COP1: variants seen among roughly 807,000 people sequenced by gnomAD.
The protein encoded by COP1 is E3 ubiquitin-protein ligase COP1.
A neutral mutation model predicts 101.3 loss-of-function variants in COP1; 24 were observed. That is an observed-to-expected ratio of 0.24 (90% CI 0.17 to 0.33). COP1 has a LOEUF of 0.33. Ranked by LOEUF, COP1 falls within the 10% of genes least tolerant of loss-of-function variation. The pLI is 1.00. For synonymous variants in COP1, 347 were observed against 341.9 expected (o/e 1.01, Z -0.17); for missense variants, 663 against 906.2 (o/e 0.73, Z 3.45).
chr1:175,995,704 T>C (rs986520002), intron 15 of COP1, among the ~76,000 whole-genome samples: 15 of 152,236 alleles, frequency 9.9e-5, no homozygotes, highest in African/African-American at 2.6e-4. Context: ...CAGGAAGAAA[T>C]TGAATCTCTG....
intron 1 of COP1, among the ~76,000 whole-genome samples, chr1:176,199,537 C>T (rs1429108354): frequency 6.6e-6 from 1 of 152,002 alleles, no homozygotes; most frequent in Admixed American, 6.6e-5. Context: ...AATCTTTTAA[C>T]TAGCAAATAT....
At chr1:175,998,737 A>G (rs972386485) in intron 15 of COP1, among the ~76,000 whole-genome samples, 6 of 152,058 alleles carry the variant, frequency 3.9e-5, no homozygotes, top group African/African-American at 1.4e-4. Flanking sequence ...TAAAATTTGG[A>G]AGGAACTCAT....
chr1:176,134,473 T>C (rs1689476172), intron 8 of COP1, among the ~76,000 whole-genome samples: 1 of 151,924 alleles, frequency 6.6e-6, no homozygotes, highest in African/African-American at 2.4e-5. Flanking sequence ...TCTTGGGAAA[T>C]GGTCATGACA....
chr1:175,993,655 T>C (rs1319673331), intron 15 of COP1, among the ~76,000 whole-genome samples: 1 of 151,838 alleles, frequency 6.6e-6, no homozygotes, highest in Non-Finnish European at 1.5e-5. Flanking sequence ...TGATGGAAGA[T>C]GAAATGAATG....
chr1:176,092,643 C>T (rs757843713), intron 9 of COP1, among the ~76,000 whole-genome samples: 1 of 152,018 alleles, frequency 6.6e-6, no homozygotes, highest in Non-Finnish European at 1.5e-5. Context: ...AAATTAAAGT[C>T]GCAACTATGC....
At chr1:175,952,942 G>T (rs1378082676) in intron 18 of COP1, among the ~76,000 whole-genome samples, 1 of 152,084 alleles carries the variant, frequency 6.6e-6, no homozygotes, top group Non-Finnish European at 1.5e-5. Flanking sequence ...GATGAATATT[G>T]TGAGAAATGG....
At chr1:176,004,875 T>A (rs934081373) in intron 15 of COP1, among the ~76,000 whole-genome samples, 3 of 151,568 alleles carry the variant, frequency 2.0e-5, no homozygotes, top group African/African-American at 7.3e-5. Context: ...ATAAAATGAG[T>A]TAGGGAGGAT....
intron 9 of COP1, among the ~76,000 whole-genome samples, chr1:176,106,015 GTTTGTTTTGTTTTTTGT>G (rs1340158918): frequency 1.3e-5 from 2 of 151,598 alleles, no homozygotes; most frequent in East Asian, 1.9e-4. Flanking sequence ...TAGTTTACAG[GTTTGTTTTGTTTTTTGT>G]TTTGTTTTGT....
At chr1:176,061,170 C>G (rs992264357) in intron 11 of COP1, among the ~76,000 whole-genome samples, 2 of 152,112 alleles carry the variant, frequency 1.3e-5, no homozygotes, top group East Asian at 3.9e-4. Context: ...ACAGTCAATT[C>G]ATTTTAAACA....
intron 8 of COP1, among the ~76,000 whole-genome samples, chr1:176,126,142 T>C (rs1687947458): frequency 6.6e-6 from 1 of 152,218 alleles, no homozygotes; most frequent in African/African-American, 2.4e-5. Context: ...TTTTTCCAAA[T>C]ATAAGATCAC....
chr1:175,958,554 C>T (rs1302408870), intron 18 of COP1, among the ~76,000 whole-genome samples: 2 of 151,468 alleles, frequency 1.3e-5, no homozygotes, highest in African/African-American at 4.8e-5. Flanking sequence ...TACATTTCTC[C>T]TCCTTTTATT....
At chr1:176,128,059 C>T (rs1015396683) in intron 8 of COP1, among the ~76,000 whole-genome samples, 1 of 151,960 alleles carries the variant, frequency 6.6e-6, no homozygotes, top group Non-Finnish European at 1.5e-5. Context: ...AAGTCCTTTA[C>T]TCATTTTAAA....
chr1:175,985,768 A>G (rs1175939131), intron 18 of COP1, among the ~76,000 whole-genome samples: 2 of 151,866 alleles, frequency 1.3e-5, no homozygotes, highest in Admixed American at 6.6e-5. Context: ...TTTTTTTCTA[A>G]TTTTACTTGG....
chr1:175,992,038 T>G (rs899636209), intron 15 of COP1, among the ~76,000 whole-genome samples: 1 of 152,230 alleles, frequency 6.6e-6, no homozygotes, highest in Non-Finnish European at 1.5e-5. Flanking sequence ...TCAAGTATTG[T>G]GTAGTATACG....
chr1:176,157,221 T>C (rs1693608837), intron 5 of COP1, among the ~76,000 whole-genome samples: 1 of 151,720 alleles, frequency 6.6e-6, no homozygotes, highest in Non-Finnish European at 1.5e-5. Context: ...AACAATAATA[T>C]TAATATTAAC....
chr1:176,058,185 G>GTGT (rs765361938), intron 11 of COP1, among the ~76,000 whole-genome samples: 2,008 of 92,110 alleles, frequency 0.022, 32 homozygotes, highest in Middle Eastern at 0.038. Flanking sequence ...CGGTAGGGAG[G>GTGT]GGGGGGGTCA....
chr1:176,196,558 T>G (rs1260125025), intron 1 of COP1, among the ~76,000 whole-genome samples: 1 of 152,124 alleles, frequency 6.6e-6, no homozygotes. Context: ...CTGAGTAGTG[T>G]CTATTAAAGA....
chr1:176,116,335 G>A lies in COP1; in HGVS notation c.1026+289C>T, dbSNP rs564088526. ...GGTCAAGGCTACAGCATTCCAGCCTGCGTGACAGAGTGTCTCAAAAAAACA... is the reference window on the plus strand; with the variant it reads ...GGTCAAGGCTACAGCATTCCAGCCTACGTGACAGAGTGTCTCAAAAAAACA... On this transcript the variant is annotated intron_variant, in intron 9 of 19. Coordinates refer to ENST00000367669, the MANE Select transcript of COP1 (RefSeq NM_022457.7). 2.5e-3 allele frequency among the ~76,000 whole-genome samples: 383 copies of A among 152,308 alleles called. 2 individuals are homozygous for A. Among genetic ancestry groups the A allele is most frequent in the African/African-American group, 9.0e-3 (374 of 41,566 alleles).
intron 1 of COP1, among the ~76,000 whole-genome samples, chr1:176,198,924 C>CT (rs1699996829): frequency 6.6e-6 from 1 of 152,150 alleles, no homozygotes. Context: ...ACTGAAAACA[C>CT]TGAGCACTGG....
Sources: gnomAD v4.1 joint callset for allele counts (sites outside exome capture counted in the v4.1 genomes callset) on GRCh38, gnomAD v4.1.1 for gene constraint, MANE v1.5 for transcripts, NCBI Gene and HGNC (gene_info 2026-07-23, HGNC 2026-07-21) for gene names.